Variants in STXBP5L observed in about 807,000 individuals in gnomAD.
STXBP5L encodes the protein syntaxin binding protein 5L.
Under a neutral mutation model 144.5 loss-of-function variants are expected in STXBP5L, and 65 were observed. The observed-to-expected ratio is 0.45, with a 90% CI of 0.37 to 0.55. The LOEUF (loss-of-function observed/expected upper bound fraction) is 0.55, where lower values mean the gene tolerates loss of function less well. Among genes scored for constraint, STXBP5L ranks in the 20% least tolerant of loss-of-function variants. The pLI, the probability that STXBP5L is intolerant of heterozygous loss-of-function variation, is 0.00. For synonymous variants in STXBP5L, 505 were observed against 469.6 expected (o/e 1.08, Z -0.97); for missense variants, 1,298 against 1,405.5 (o/e 0.92, Z 1.22).
chr3:120,917,984 A>T (rs187514293), intron 2 of STXBP5L, among the ~76,000 whole-genome samples: 1 of 152,196 alleles, frequency 6.6e-6, no homozygotes, highest in Non-Finnish European at 1.5e-5. Flanking sequence ...GCTAAAATTA[A>T]TGTGTTCACA....
At chr3:121,054,484 C>G (rs868309269) in intron 5 of STXBP5L, among the ~76,000 whole-genome samples, 3 of 150,678 alleles carry the variant, frequency 2.0e-5, no homozygotes, top group African/African-American at 4.9e-5. Context: ...CAAACTATCA[C>G]AAGGACAAGA....
chr3:121,209,349 T>C (rs1161887834), intron 10 of STXBP5L, among the ~76,000 whole-genome samples: 1 of 152,202 alleles, frequency 6.6e-6, no homozygotes. Context: ...ATCGCCACAA[T>C]GTCTTCCACA....
At chr3:121,367,734 G>A (rs1337496806) in intron 20 of STXBP5L, among the ~76,000 whole-genome samples, 1 of 142,136 alleles carries the variant, frequency 7.0e-6, no homozygotes, top group African/African-American at 2.6e-5. Context: ...TCAGCTTCCT[G>A]ATTAGCTGGG....
At chr3:121,166,822 A>G (rs1462118744) in intron 9 of STXBP5L, among the ~76,000 whole-genome samples, 1 of 152,240 alleles carries the variant, frequency 6.6e-6, no homozygotes, top group Non-Finnish European at 1.5e-5. Flanking sequence ...ACGACAAAAT[A>G]TCTGCAACTT....
intron 19 of STXBP5L, among the ~76,000 whole-genome samples, chr3:121,283,895 T>TTGTGTGTGTGTG (rs59432986): frequency 6.0e-5 from 7 of 116,192 alleles, no homozygotes; most frequent in African/African-American, 2.4e-4. Flanking sequence ...GTGTGTGTGC[T>TTGTGTGTGTGTG]TGTGTGTGTG....
intron 6 of STXBP5L, among the ~76,000 whole-genome samples, chr3:121,117,235 A>T (rs1360449033): frequency 1.3e-5 from 2 of 150,796 alleles, no homozygotes; most frequent in Non-Finnish European, 3.0e-5. Context: ...TATACACATG[A>T]TTCAGCATTA....
chr3:121,099,371 A>C (rs2043300233), intron 5 of STXBP5L: 1 of 152,072 alleles, frequency 6.6e-6, no homozygotes, highest in Non-Finnish European at 1.5e-5. Flanking sequence ...CTCTTTATAC[A>C]CAGCCTGATC....
At chr3:121,354,105 G>A (rs1030240880) in intron 20 of STXBP5L, among the ~76,000 whole-genome samples, 8 of 152,138 alleles carry the variant, frequency 5.3e-5, no homozygotes, top group South Asian at 2.1e-4. Flanking sequence ...TTCCAATTAT[G>A]TGGTCAATTT....
chr3:121,094,816 T>G (rs2043027698), intron 5 of STXBP5L, among the ~76,000 whole-genome samples: 1 of 152,184 alleles, frequency 6.6e-6, no homozygotes, highest in Admixed American at 6.5e-5. Flanking sequence ...CCTTTCATTA[T>G]GATGTTAGGT....
intron 5 of STXBP5L, among the ~76,000 whole-genome samples, chr3:121,094,727 A>G (rs2043022002): frequency 1.3e-5 from 2 of 152,114 alleles, no homozygotes; most frequent in South Asian, 2.1e-4. Context: ...TCCTTATCCA[A>G]TTTGCCAGTC....
At chr3:121,063,683 C>A (rs904785045) in intron 5 of STXBP5L, among the ~76,000 whole-genome samples, 1 of 152,190 alleles carries the variant, frequency 6.6e-6, no homozygotes, top group Non-Finnish European at 1.5e-5. Flanking sequence ...TTCAGAGATG[C>A]CTTGCCCAGC....
rs73855349 is a variant in STXBP5L, at chr3:121,179,188, A to G, written c.877+21561A>G. 7.9e-3 allele frequency among the ~76,000 whole-genome samples: 1,199 copies of G among 152,180 alleles called. 13 individuals carry two copies. The highest frequency in any genetic ancestry group is 0.028 in the African/African-American group (1,156 of 41,524). ...AAATTGTACACCATGAGAGAACGAG[A>G]TAAGCTTCAAGAGATCCCTGCCATT... On this transcript the variant is annotated intron_variant, in intron 9 of 26. Transcript: ENST00000471454.
At chr3:121,260,529 T>C (rs938499028) in intron 18 of STXBP5L, among the ~76,000 whole-genome samples, 3 of 152,062 alleles carry the variant, frequency 2.0e-5, no homozygotes, top group African/African-American at 7.2e-5. Flanking sequence ...CTCTCTAATA[T>C]GCTTTTTTTC....
intron 5 of STXBP5L, among the ~76,000 whole-genome samples, chr3:121,098,671 G>T (rs2043257359): frequency 6.6e-6 from 1 of 152,160 alleles, no homozygotes; most frequent in South Asian, 2.1e-4. Context: ...TAAAGTTCAA[G>T]TTTTGTCGGG....
chr3:121,158,816 C>G (rs1428758887), intron 9 of STXBP5L: 1 of 152,126 alleles, frequency 6.6e-6, no homozygotes, highest in Non-Finnish European at 1.5e-5. Flanking sequence ...ATGTTCTTCT[C>G]AAATATCAGT....
intron 20 of STXBP5L, among the ~76,000 whole-genome samples, chr3:121,345,529 T>C (rs1449377775): frequency 6.6e-6 from 1 of 152,116 alleles, no homozygotes; most frequent in African/African-American, 2.4e-5. Context: ...TACCCAGTAA[T>C]GGGATTGCTG....
intron 2 of STXBP5L, among the ~76,000 whole-genome samples, chr3:120,937,887 A>G (rs1461996760): frequency 6.6e-6 from 1 of 152,168 alleles, no homozygotes; most frequent in Non-Finnish European, 1.5e-5. Context: ...TGATTTTGAT[A>G]CACAATAATA....
At chr3:120,932,353 A>G (rs1034644718) in intron 2 of STXBP5L, among the ~76,000 whole-genome samples, 7 of 152,194 alleles carry the variant, frequency 4.6e-5, no homozygotes, top group African/African-American at 1.7e-4. Flanking sequence ...ACTTTGAGAA[A>G]GTAATGCAGA....
intron 20 of STXBP5L, among the ~76,000 whole-genome samples, chr3:121,371,706 G>A (rs61796940): frequency 0.025 from 3,880 of 152,298 alleles, 70 homozygotes; most frequent in Non-Finnish European, 0.034. Context: ...TGGGAGCACC[G>A]GTGGGTGCTG....
Sources: gnomAD v4.1 joint callset for allele counts (sites outside exome capture counted in the v4.1 genomes callset) on GRCh38, gnomAD v4.1.1 for gene constraint, MANE v1.5 for transcripts, NCBI Gene and HGNC (gene_info 2026-07-23, HGNC 2026-07-21) for gene names.